The following AFDN variants were observed in gnomAD, a reference collection of about 807,000 sequenced individuals.
AFDN encodes the protein afadin.
Under a neutral mutation model 216.6 loss-of-function variants are expected in AFDN, and 68 were observed. That is an observed-to-expected ratio of 0.31 (90% CI 0.26 to 0.38). AFDN has a LOEUF of 0.38. AFDN is among the 10% of genes least tolerant of loss of function. The pLI, the probability that AFDN is intolerant of heterozygous loss-of-function variation, is 1.00. For missense variants in AFDN, 2,136 were observed against 2,342.0 expected (o/e 0.91, Z 1.82); for synonymous variants, 868 against 853.7 (o/e 1.02, Z -0.29).
rs201776776 is a variant in AFDN, at chr6:167,914,247, G to A, written c.2138G>A (p.Arg713Gln). Reference sequence around the variant, plus strand: ...CTTCTCAACTTCATTAAGCAAGACCGAGACCTTAGTCGGATCACACTGGAT... The same window carrying A: ...CTTCTCAACTTCATTAAGCAAGACCAAGACCTTAGTCGGATCACACTGGAT... ...SELLNFIKQDRDLSRITLDAQ... is the reference protein window; with the variant it reads ...SELLNFIKQDQDLSRITLDAQ... Residue 713 changes from arginine to glutamine, a missense_variant, in exon 17 of 34, where the codon CGA becomes CAA. Physicochemically the swap from Arg to Gln is conservative, Grantham distance 43 (BLOSUM62 1). Coordinates refer to ENST00000683244, the MANE Select transcript of AFDN (RefSeq NM_001386888.1). 790 of 1,614,128 alleles carry A rather than the reference G, an allele frequency of 4.9e-4. 4 individuals carry two copies. Among genetic ancestry groups the A allele is most frequent in the African/African-American group, 8.0e-5 (6 of 75,032 alleles).
chr6:167,834,488 A>G (rs1274154564), intron 1 of AFDN, among the ~76,000 whole-genome samples: 1 of 97,182 alleles, frequency 1.0e-5, no homozygotes, highest in Non-Finnish European at 1.9e-5. Flanking sequence ...TTCGAAAGGT[A>G]TAAAACGTGA....
At chr6:167,911,603 TA>T in intron 15 of AFDN, 114 bp downstream of exon 15, 1 of 911,612 alleles carries the variant, frequency 1.1e-6, no homozygotes, top group Non-Finnish European at 1.7e-6. Context: ...TTTTCTAAAA[TA>T]AAAGTTATGT....
At chr6:167,902,536 C>T in intron 12 of AFDN, 150 bp downstream of exon 12, 1 of 572,080 alleles carries the variant, frequency 1.7e-6, no homozygotes, top group Non-Finnish European at 3.1e-6. Flanking sequence ...TAGTACAGAG[C>T]CCTATGGATA....
chr6:167,911,619 A>G (rs1311388506), intron 15 of AFDN, 130 bp downstream of exon 15: 1 of 791,854 alleles, frequency 1.3e-6, no homozygotes, highest in African/African-American at 1.7e-5. Context: ...TTATGTAAAT[A>G]TTGTAGGAAA....
upstream of AFDN, chr6:167,826,774 G>A (rs1480722884): frequency 3.2e-5 from 11 of 345,382 alleles, no homozygotes; most frequent in Middle Eastern, 5.9e-4. Context: ...CCTGGCGGCC[G>A]CGGCAGCAGC....
chr6:167,922,935 CCTT>C lies in AFDN; in HGVS notation c.2991_2993del (p.Leu998del). On this transcript the variant is annotated inframe_deletion, in exon 22 of 34. Transcript: ENST00000683244. ...TTGAAGGTGCAGATTATGAAAGTCA[CCTT>C]CTGCGTGAGAACACAGAGCTGGCAA... 3 of 1,612,848 alleles carry C rather than the reference CCTT, an allele frequency of 1.9e-6. No homozygotes were observed. Among genetic ancestry groups the C allele is most frequent in the Non-Finnish European group, 2.5e-6 (3 of 1,179,152 alleles).
At chr6:167,894,944 CAT>C (rs966807407) in intron 9 of AFDN, among the ~76,000 whole-genome samples, 13 of 152,160 alleles carry the variant, frequency 8.5e-5, no homozygotes, top group South Asian at 4.1e-4. Context: ...TTGTTTCACA[CAT>C]GATTACTTAT....
At chr6:167,947,245 T>C (rs574890643) in intron 27 of AFDN, among the ~76,000 whole-genome samples, 2 of 151,858 alleles carry the variant, frequency 1.3e-5, no homozygotes, top group Non-Finnish European at 2.9e-5. Context: ...AGTGGCGCGA[T>C]CTCGGCTAAC....
At chr6:167,952,602 C>A in intron 30 of AFDN, 1 of 635,216 alleles carries the variant, frequency 1.6e-6, no homozygotes, top group Non-Finnish European at 2.0e-6. Context: ...CAACCCCCAG[C>A]TCTGCTGTTG....
At chr6:167,881,693 T>C (rs1250814307) in intron 6 of AFDN, among the ~76,000 whole-genome samples, 1 of 152,132 alleles carries the variant, frequency 6.6e-6, no homozygotes, top group African/African-American at 2.4e-5. Flanking sequence ...AGAGTAAAAC[T>C]GATGGGAGGT....
chr6:167,914,882 G>A (rs113147337), intron 18 of AFDN, 144 bp downstream of exon 18: 2 of 677,590 alleles, frequency 3.0e-6, no homozygotes, highest in Non-Finnish European at 4.9e-6. Context: ...AAATTTTAAC[G>A]ATTATTTGTT....
At chr6:167,959,775 A>G (rs1796866650) in intron 30 of AFDN, among the ~76,000 whole-genome samples, 1 of 152,170 alleles carries the variant, frequency 6.6e-6, no homozygotes, top group Admixed American at 6.5e-5. Context: ...ATATAGCAGA[A>G]CCTTGGTTCA....
intron 2 of AFDN, 200 bp downstream of exon 2, chr6:167,864,946 C>T: frequency 1.3e-6 from 1 of 751,248 alleles, no homozygotes; most frequent in East Asian, 2.5e-5. Flanking sequence ...GCACATATAT[C>T]TGTTGGAAGT....
Position 167,971,751 on chromosome 6 carries a change from T to C in AFDN, c.*1816T>C, listed in dbSNP as rs562387914. ...TGTGGTTGTGAAACCCATACACAAG[T>C]GGATTTGGCCATCTTTGGGCAGTGA... On this transcript the variant is annotated 3_prime_UTR_variant, in exon 34 of 34. Transcript: ENST00000683244. The C allele has an allele frequency of 1.5e-4, 31 of 207,052 alleles. 1 individual carries two copies. In the South Asian group the frequency reaches 5.9e-3, roughly 39 times the overall value. 12.8% of individuals were successfully genotyped at this position (207,052 alleles called of 1,614,324 possible).
chr6:167,873,504 A>G (rs1785006674), intron 4 of AFDN, among the ~76,000 whole-genome samples: 1 of 152,220 alleles, frequency 6.6e-6, no homozygotes, highest in Non-Finnish European at 1.5e-5. Flanking sequence ...TAAATGTTCC[A>G]GTGAATATCC....
rs906450789 is a variant in AFDN at position 167,970,540 on chromosome 6, C to G, written c.*605C>G. On this transcript the variant is annotated 3_prime_UTR_variant, in exon 34 of 34. Coordinates refer to ENST00000683244, the MANE Select transcript of AFDN (RefSeq NM_001386888.1). ...GGCCAAAGCTTCCTGTGTGATGACG[C>G]ACGTCCGAGACTGTTCCATCTCATT... 3.7e-5 allele frequency: 8 copies of G among 216,148 alleles called. No homozygotes were observed. The highest frequency in any genetic ancestry group is 1.9e-4 in the South Asian group (1 of 5,370). 13.4% of individuals were successfully genotyped at this position (216,148 alleles called of 1,614,324 possible).
At chr6:167,964,614 CTGTGTGTGTG>C (rs369928994) in intron 31 of AFDN, 12,211 of 957,098 alleles carry the variant, frequency 0.013, 68 homozygotes, top group African/African-American at 0.05. Context: ...CGTATTCACT[CTGTGTGTGTG>C]TGTGTGTGTG....
In AFDN at chr6:167,942,994, A is replaced by G. The variant is rs1043987356; in HGVS notation, c.3100-135A>G. 2.2e-5 allele frequency: 13 copies of G among 602,952 alleles called. No homozygotes were observed. The Admixed American group carries it at 3.2e-4, about 15-fold the overall frequency. The allele number at this position is 602,952 out of a possible 1,614,324, so 37.4% of individuals were successfully genotyped here. On this transcript the variant is annotated intron_variant, in intron 23 of 33. Transcript: ENST00000683244. ...TTTTTCATACTTGTAATTTTCATGTAAAAATGAGAACCAGGACTTTGTTGC... is the reference window on the plus strand; with the variant it reads ...TTTTTCATACTTGTAATTTTCATGTGAAAATGAGAACCAGGACTTTGTTGC...
intron 1 of AFDN, among the ~76,000 whole-genome samples, chr6:167,834,852 C>G (rs1432887537): frequency 6.6e-6 from 1 of 151,950 alleles, no homozygotes; most frequent in East Asian, 1.9e-4. Flanking sequence ...CAGGGTGGCA[C>G]ATACCTGTGT....
Sources: gnomAD v4.1 joint callset for allele counts (sites outside exome capture counted in the v4.1 genomes callset) on GRCh38, gnomAD v4.1.1 for gene constraint, MANE v1.5 for transcripts, NCBI Gene and HGNC (gene_info 2026-07-23, HGNC 2026-07-21) for gene names.